EIF5B: variants seen among roughly 807,000 people sequenced by gnomAD.
The protein encoded by EIF5B is eIF-5B.
A neutral mutation model predicts 147.5 loss-of-function variants in EIF5B; 47 were observed. The ratio of observed to expected loss-of-function variants is 0.32; its 90% CI spans 0.25 to 0.41. The LOEUF (loss-of-function observed/expected upper bound fraction) is 0.41. Ranked by LOEUF, EIF5B falls within the 10% of genes least tolerant of loss-of-function variation. EIF5B has a pLI of 1.00. For missense variants in EIF5B, 1,064 were observed against 1,413.2 expected (o/e 0.75, Z 3.96); for synonymous variants, 455 against 456.2 (o/e 1.00, Z 0.03).
chr2:99,369,483 C>T lies in EIF5B; in HGVS notation c.1477+2C>T, dbSNP rs200710461. On this transcript the variant is annotated splice_donor_variant, in intron 8 of 23. Coordinates refer to ENST00000289371, the MANE Select transcript of EIF5B (RefSeq NM_015904.4). LOFTEE classifies it low-confidence loss of function (GC_TO_GT_DONOR). Reference sequence around the variant, plus strand: ...AGACACCACCTCCTGTTGAACCAGGCGGGTAGTGTTATCTGATTATTTAAT... The same window carrying T: ...AGACACCACCTCCTGTTGAACCAGGTGGGTAGTGTTATCTGATTATTTAAT... 296 of 1,604,094 alleles carry T rather than the reference C, an allele frequency of 1.8e-4. No individual in the cohort carries two copies. The highest frequency in any genetic ancestry group is 4.6e-4 in the Admixed American group (27 of 59,262).
At chr2:99,379,525 T>A in intron 12 of EIF5B, 97 bp downstream of exon 12, 1 of 839,362 alleles carries the variant, frequency 1.2e-6, no homozygotes, top group East Asian at 2.8e-5. Flanking sequence ...GGATAACAGC[T>A]CCATATACTC....
rs1016936408 is a variant in EIF5B, at chr2:99,371,636, A to T, written c.1478-20A>T. On this transcript the variant is annotated intron_variant, in intron 8 of 23. Transcript: ENST00000289371. ...TTTCTAAATAATTTTTGTGTCTTAA[A>T]TGCAAATTTTTACTTACAGAAGAAG... The T allele has an allele frequency of 6.2e-7, 1 of 1,604,698 alleles. No individual in the cohort carries two copies. Among genetic ancestry groups the T allele is most frequent in the African/African-American group, 1.3e-5 (1 of 74,428 alleles).
At chr2:99,362,637 T>C (rs1674243103) in intron 4 of EIF5B, among the ~76,000 whole-genome samples, 2 of 152,010 alleles carry the variant, frequency 1.3e-5, no homozygotes, top group Admixed American at 1.3e-4. Context: ...AGGCGGAGCT[T>C]GCAGTGAGCG....
chr2:99,378,402 T>C (rs548507907), intron 10 of EIF5B, among the ~76,000 whole-genome samples: 1 of 152,274 alleles, frequency 6.6e-6, no homozygotes, highest in Admixed American at 6.5e-5. Context: ...GAGAAGCACG[T>C]TGTGGTTCAA....
chr2:99,396,648 C>T, intron 21 of EIF5B, 112 bp from the exon 22 acceptor site: 1 of 1,365,174 alleles, frequency 7.3e-7, no homozygotes, highest in Non-Finnish European at 9.8e-7. Context: ...CCTGTGGCCG[C>T]TGGGGAAAGC....
intron 1 of EIF5B, among the ~76,000 whole-genome samples, chr2:99,355,082 C>T (rs774809227): frequency 1.3e-5 from 2 of 152,088 alleles, no homozygotes; most frequent in Non-Finnish European, 2.9e-5. Flanking sequence ...GGATTACAGG[C>T]GTGAGTCACT....
Position 99,369,427 on chromosome 2 carries a change from G to A in EIF5B, c.1423G>A (p.Val475Ile). ...ESMELCAAVE[V>I]MEQGVPEKEE... ...AATGGAATTATGTGCTGCTGTAGAA[G>A]TTATGGAACAAGGAGTACCAGAAAA... Residue 475 changes from valine (V) to isoleucine (I), a missense_variant, in exon 8 of 24, where the codon GTT becomes ATT. Physicochemically the swap from Val to Ile is conservative, Grantham distance 29 (BLOSUM62 3). Transcript: ENST00000289371. The A allele has an allele frequency of 6.2e-7, 1 of 1,611,642 alleles. No individual in the cohort carries two copies. Among genetic ancestry groups the A allele is most frequent in the Non-Finnish European group, 8.5e-7 (1 of 1,178,308 alleles).
chr2:99,374,102 A>C (rs1674513503), intron 9 of EIF5B, among the ~76,000 whole-genome samples: 1 of 152,118 alleles, frequency 6.6e-6, no homozygotes, highest in Non-Finnish European at 1.5e-5. Context: ...TAGCCTGGCC[A>C]ATGTGGCAAA....
intron 10 of EIF5B, 99 bp from the exon 11 acceptor site, chr2:99,378,920 A>C: frequency 7.1e-6 from 6 of 848,522 alleles, no homozygotes; most frequent in Non-Finnish European, 1.0e-5. Flanking sequence ...ACTTGGATGC[A>C]GGTTGTAGCA....
chr2:99,387,232 G>A (rs554734945), intron 14 of EIF5B, among the ~76,000 whole-genome samples: 107 of 152,190 alleles, frequency 7.0e-4, no homozygotes, highest in Non-Finnish European at 1.1e-3. Context: ...TACGATTTGT[G>A]TTCTATGTAA....
At chr2:99,379,999 A>G (rs1674656331) in intron 12 of EIF5B, among the ~76,000 whole-genome samples, 1 of 152,216 alleles carries the variant, frequency 6.6e-6, no homozygotes, top group Admixed American at 6.5e-5. Context: ...ACAACTTTTT[A>G]AGATAATCTC....
At chr2:99,393,160 T>A (rs1574941687) in intron 18 of EIF5B, 62 bp downstream of exon 18, 1 of 1,394,004 alleles carries the variant, frequency 7.2e-7, no homozygotes. Context: ...GTGTCAGCAT[T>A]GCACATGCTA....
chr2:99,395,802 A>C, intron 21 of EIF5B, among the ~76,000 whole-genome samples: 1 of 152,172 alleles, frequency 6.6e-6, no homozygotes, highest in East Asian at 1.9e-4. Flanking sequence ...GCACATGGGG[A>C]GTGTCCAGAG....
chr2:99,351,056 G>T (rs985063989), intron 1 of EIF5B, among the ~76,000 whole-genome samples: 2 of 152,200 alleles, frequency 1.3e-5, no homozygotes, highest in Admixed American at 1.3e-4. Context: ...GCCAGGCATG[G>T]TGGCTCACCA....
intron 5 of EIF5B, among the ~76,000 whole-genome samples, 154 bp from the exon 6 acceptor site, chr2:99,364,117 A>G (rs1674277285): frequency 6.6e-6 from 1 of 152,230 alleles, no homozygotes; most frequent in Admixed American, 6.5e-5. Context: ...ATTAATAATC[A>G]TGTATAACAT....
Position 99,361,199 on chromosome 2 carries a change from G to A in EIF5B, c.298G>A (p.Gly100Arg). The change falls in exon 4 of 24, where the codon GGA (glycine) becomes AGA (arginine). Residue 100 changes from glycine to arginine, a missense_variant. Physicochemically the swap from Gly to Arg is moderately radical, Grantham distance 125 (BLOSUM62 -2). Transcript: ENST00000289371. ...CACCTCAAAAGATAAAAAAAAGAAA[G>A]GACAGAAGGGCAAAAAACAGAGTTT... is the stretch of plus-strand genomic sequence containing the variant. The part of the protein sequence containing the change: ...EFTSKDKKKK[G>R]QKGKKQSFDD... 2 of 1,589,624 alleles carry A rather than the reference G, an allele frequency of 1.3e-6. No individual in the cohort carries two copies. The highest frequency in any genetic ancestry group is 8.5e-7 in the Non-Finnish European group (1 of 1,172,182).
intron 1 of EIF5B, among the ~76,000 whole-genome samples, chr2:99,338,677 G>A (rs993254486): frequency 1.3e-5 from 2 of 152,086 alleles, no homozygotes; most frequent in African/African-American, 2.4e-5. Flanking sequence ...TTGGTTTGGA[G>A]AATTGAATTA....
intron 1 of EIF5B, among the ~76,000 whole-genome samples, chr2:99,343,625 C>T (rs2094265727): frequency 6.6e-6 from 1 of 151,832 alleles, no homozygotes; most frequent in Non-Finnish European, 1.5e-5. Flanking sequence ...CGAGACCAGC[C>T]TGGCCAACAT....
chr2:99,371,420 G>A (rs944727939), intron 8 of EIF5B, among the ~76,000 whole-genome samples: 1 of 151,222 alleles, frequency 6.6e-6, no homozygotes, highest in Non-Finnish European at 1.5e-5. Flanking sequence ...CCCGGAAGGC[G>A]GAGCTTGCAG....
Sources: allele counts gnomAD v4.1 joint callset (sites outside exome capture counted in the v4.1 genomes callset), GRCh38; gene constraint gnomAD v4.1.1; transcripts MANE v1.5; gene names NCBI Gene and HGNC (gene_info 2026-07-23, HGNC 2026-07-21).